The following PDE1C variants were observed in gnomAD, a reference collection of about 807,000 sequenced individuals.
The protein encoded by PDE1C is phosphodiesterase 1C.
A neutral mutation model predicts 93.1 loss-of-function variants in PDE1C; 62 were observed. The observed-to-expected ratio is 0.67, with a 90% confidence interval of 0.54 to 0.82. The LOEUF is 0.82. PDE1C is among the 40% of genes least tolerant of loss of function. The pLI is 0.00. For synonymous variants in PDE1C, 325 were observed against 310.1 expected, an observed-to-expected ratio of 1.05 and a Z score of -0.50; for missense variants, 742 against 884.6, an observed-to-expected ratio of 0.84 and a Z score of 2.04.
intron 1 of PDE1C, among the ~76,000 whole-genome samples, chr7:32,069,082 T>C (rs951871966): frequency 6.6e-6 from 1 of 152,220 alleles, no homozygotes; most frequent in Non-Finnish European, 1.5e-5. Context: ...TCAAATTATT[T>C]GGCATGGTTT....
intron 2 of PDE1C, among the ~76,000 whole-genome samples, chr7:31,987,597 A>AT (rs140877282): frequency 0.072 from 10,923 of 152,278 alleles, 607 homozygotes; most frequent in East Asian, 0.32. Flanking sequence ...AGGTGAAATG[A>AT]AAGGCCAGGG....
At chr7:32,208,578 G>A (rs10951323) in intron 2 of PDE1C, among the ~76,000 whole-genome samples, 54,675 of 151,942 alleles carry the variant, frequency 0.36, 10,144 homozygotes, top group South Asian at 0.5. Context: ...GATAGTGTGA[G>A]TGAAATTACT....
At chr7:32,084,863 G>T (rs1584730952) in intron 3 of PDE1C, among the ~76,000 whole-genome samples, 2 of 146,746 alleles carry the variant, frequency 1.4e-5, no homozygotes, top group East Asian at 3.9e-4. Flanking sequence ...GTGTGTAGAG[G>T]GAAATTTATA....
the PDE1C span, among the ~76,000 whole-genome samples, chr7:31,694,666 G>A: frequency 5.3e-5 from 8 of 152,122 alleles, no homozygotes; most frequent in Non-Finnish European, 8.8e-5. Flanking sequence ...CATTATGGAA[G>A]AGTGAACCAT....
chr7:31,654,108 T>C, the PDE1C span, among the ~76,000 whole-genome samples: 10 of 147,512 alleles, frequency 6.8e-5, no homozygotes, highest in Admixed American at 4.7e-4. Context: ...GAAAAGAGCC[T>C]CAGAAGACAG....
intron 3 of PDE1C, among the ~76,000 whole-genome samples, chr7:32,112,934 A>T (rs1268900493): frequency 6.7e-6 from 1 of 148,458 alleles, no homozygotes; most frequent in African/African-American, 2.5e-5. Context: ...GAGGCAGTAA[A>T]GACATACTCC....
intron 3 of PDE1C, among the ~76,000 whole-genome samples, chr7:32,088,502 G>A (rs991230995): frequency 1.3e-5 from 2 of 152,272 alleles, no homozygotes; most frequent in African/African-American, 2.4e-5. Flanking sequence ...GTCCGCCAAG[G>A]CGGCCGGAGC....
At chr7:32,342,230 C>T (rs1282616106) in intron 1 of PDE1C, among the ~76,000 whole-genome samples, 1 of 152,142 alleles carries the variant, frequency 6.6e-6, no homozygotes. Context: ...AAACATAAAT[C>T]AGACACCAAT....
the PDE1C span, among the ~76,000 whole-genome samples, chr7:31,618,665 T>G: frequency 7.1e-6 from 1 of 140,312 alleles, no homozygotes; most frequent in African/African-American, 3.2e-5. Context: ...ATAATTATAG[T>G]TGAGTATTAG....
At chr7:31,972,755 C>A (rs997137524) in intron 2 of PDE1C, among the ~76,000 whole-genome samples, 1 of 152,114 alleles carries the variant, frequency 6.6e-6, no homozygotes, top group Non-Finnish European at 1.5e-5. Flanking sequence ...ACCACCCATC[C>A]GGAGGCAGAA....
At chr7:31,904,678 A>T (rs936304535) in intron 2 of PDE1C, among the ~76,000 whole-genome samples, 1 of 151,982 alleles carries the variant, frequency 6.6e-6, no homozygotes, top group Non-Finnish European at 1.5e-5. Flanking sequence ...CTAAATAAAG[A>T]TCTTATTAAA....
chr7:32,376,221 T>C (rs574904899), intron 1 of PDE1C, among the ~76,000 whole-genome samples: 1 of 152,200 alleles, frequency 6.6e-6, no homozygotes, highest in African/African-American at 2.4e-5. Context: ...GGCACGTAGT[T>C]CTGCTTACCA....
chr7:32,382,873 AG>A (rs1784559244), intron 1 of PDE1C, among the ~76,000 whole-genome samples: 1 of 152,184 alleles, frequency 6.6e-6, no homozygotes, highest in East Asian at 1.9e-4. Context: ...CACTGTCGCC[AG>A]GCAGACCTCT....
chr7:31,701,691 T>C, the PDE1C span, among the ~76,000 whole-genome samples: 4 of 152,224 alleles, frequency 2.6e-5, no homozygotes, highest in East Asian at 7.7e-4. Flanking sequence ...TCTTGAGAGA[T>C]TGCCACAGCC....
intron 1 of PDE1C, among the ~76,000 whole-genome samples, chr7:32,408,242 C>T (rs990594862): frequency 3.3e-5 from 5 of 152,176 alleles, no homozygotes; most frequent in African/African-American, 1.2e-4. Flanking sequence ...ATCCCTAAAG[C>T]TTCCATTAAC....
intron 1 of PDE1C, among the ~76,000 whole-genome samples, chr7:32,259,455 C>A (rs1810038143): frequency 6.6e-6 from 1 of 152,128 alleles, no homozygotes; most frequent in Non-Finnish European, 1.5e-5. Flanking sequence ...GGTGGGGCAA[C>A]TGGATTAAAT....
intron 7 of PDE1C, among the ~76,000 whole-genome samples, chr7:31,861,005 C>A (rs1340979969): frequency 6.6e-6 from 1 of 152,014 alleles, no homozygotes; most frequent in African/African-American, 2.4e-5. Flanking sequence ...ATGTTCTCAC[C>A]TGCAATTTTT....
intron 1 of PDE1C, among the ~76,000 whole-genome samples, chr7:32,297,044 T>C (rs190088621): frequency 2.4e-3 from 372 of 152,110 alleles, no homozygotes; most frequent in African/African-American, 8.4e-3. Flanking sequence ...GTGGAAGACG[T>C]GGAAAGTGAA....
intron 1 of PDE1C, among the ~76,000 whole-genome samples, chr7:32,396,050 G>A (rs750647651): frequency 1.7e-4 from 26 of 152,182 alleles, no homozygotes; most frequent in Non-Finnish European, 2.9e-4. Flanking sequence ...TTAAAATAAT[G>A]GAGCTAGATA....
Sources: gnomAD v4.1 joint callset for allele counts (sites outside exome capture counted in the v4.1 genomes callset) on GRCh38, gnomAD v4.1.1 for gene constraint, MANE v1.5 for transcripts, NCBI Gene and HGNC (gene_info 2026-07-23, HGNC 2026-07-21) for gene names.